IL2RB: variants seen among roughly 807,000 people sequenced by gnomAD.
IL2RB encodes the protein interleukin-2 receptor subunit beta.
A neutral mutation model predicts 44.2 loss-of-function variants in IL2RB; 17 were observed. The ratio of observed to expected loss-of-function variants is 0.38; its 90% confidence interval spans 0.26 to 0.58. The LOEUF (loss-of-function observed/expected upper bound fraction) is 0.58. IL2RB is among the 20% of genes least tolerant of loss of function. IL2RB has a pLI of 0.63. For missense variants in IL2RB, 624 were observed against 685.5 expected, an observed-to-expected ratio of 0.91 and a Z score of 1.00; for synonymous variants, 286 against 297.9, an observed-to-expected ratio of 0.96 and a Z score of 0.41.
intron 7 of IL2RB, 46 bp from the exon 8 acceptor site, chr22:37,135,488 G>A: frequency 3.2e-6 from 4 of 1,263,758 alleles, no homozygotes; most frequent in Non-Finnish European, 4.6e-6. Context: ...TTAGAGAAGT[G>A]CCCTCACTCA....
intron 1 of IL2RB, among the ~76,000 whole-genome samples, chr22:37,165,177 G>A (rs543443633): frequency 6.6e-6 from 1 of 152,360 alleles, no homozygotes; most frequent in Admixed American, 6.5e-5. Context: ...TAGGTGATAA[G>A]TGTCAGAGAT....
rs1045012882 is a variant in IL2RB at position 37,127,863 on chromosome 22, C to T, written c.*233G>A. On this transcript the variant is annotated 3_prime_UTR_variant, in exon 10 of 10. Coordinates refer to ENST00000216223, the MANE Select transcript of IL2RB (RefSeq NM_000878.5). The stretch of plus-strand genomic sequence containing the variant: ...ACGAGGGAGTTGGGGAGTTACTGCC[C>T]CCCTGCAACACACACAGTTCCTGGC... The T allele has an allele frequency of 2.5e-6, 1 of 392,434 alleles. No homozygotes were observed. The highest frequency in any genetic ancestry group is 4.4e-5 in the Admixed American group (1 of 22,560). 24.3% of individuals were successfully genotyped at this position (392,434 alleles called of 1,614,324 possible).
At chr22:37,172,260 G>T (rs923929364) in intron 1 of IL2RB, among the ~76,000 whole-genome samples, 2 of 151,738 alleles carry the variant, frequency 1.3e-5, no homozygotes, top group Non-Finnish European at 2.9e-5. Flanking sequence ...GAGGCAAGGG[G>T]CTAGAGCCCC....
intron 9 of IL2RB, among the ~76,000 whole-genome samples, chr22:37,131,300 C>T (rs1041087103): frequency 2.0e-5 from 3 of 152,176 alleles, no homozygotes; most frequent in Admixed American, 2.0e-4. Flanking sequence ...GTCATGACAG[C>T]TCTGGTCCGG....
chr22:37,172,083 G>T (rs1263397258), intron 1 of IL2RB, among the ~76,000 whole-genome samples: 1 of 152,098 alleles, frequency 6.6e-6, no homozygotes, highest in Admixed American at 6.5e-5. Flanking sequence ...GACGTTGTCA[G>T]GATTGAAATG....
Position 37,132,390 on chromosome 22 carries a change from G to A in IL2RB, c.897C>T (p.Asp299=), listed in dbSNP as rs1291909859. The change falls in exon 9 of 10, where the codon GAC becomes GAT. Residue 299 remains aspartate, a synonymous_variant. Coordinates refer to ENST00000216223, the MANE Select transcript of IL2RB (RefSeq NM_000878.5). ...CCCCGCCCCGGCCTCCTACCTGGAC[G>A]TCTCCTCCATGCTCTGAGCTCAGCT... is the stretch of plus-strand genomic sequence containing the variant. ...FSQLSSEHGG[D]VQKWLSSPFP... is the part of the protein sequence containing the mutation. 27 of 1,613,628 alleles carry A rather than the reference G, an allele frequency of 1.7e-5. No individual in the cohort carries two copies. The highest frequency in any genetic ancestry group is 8.9e-5 in the East Asian group (4 of 44,886).
At position 37,127,591 on chromosome 22, in the gene IL2RB, G is replaced by A. The variant is rs1299281702; in HGVS notation, c.*505C>T. 1 of 152,560 alleles carries A rather than the reference G, an allele frequency of 6.6e-6. No individual in the cohort carries two copies. Among genetic ancestry groups the A allele is most frequent in the Admixed American group, 6.5e-5 (1 of 15,284 alleles). 9.5% of individuals were successfully genotyped at this position (152,560 alleles called of 1,614,324 possible). A position where few individuals can be genotyped will look rare whatever the true frequency, so the allele number is the denominator to read the frequency against. ...AAGTACCAGGCTGAGAAGTGGGGCT[G>A]AGGGCAGTGGGACCTGTGCAAGGTT... On this transcript the variant is annotated 3_prime_UTR_variant, in exon 10 of 10. Coordinates refer to ENST00000216223, the MANE Select transcript of IL2RB (RefSeq NM_000878.5).
intron 6 of IL2RB, among the ~76,000 whole-genome samples, chr22:37,137,075 T>G (rs971013522): frequency 6.6e-6 from 1 of 152,210 alleles, no homozygotes; most frequent in African/African-American, 2.4e-5. Flanking sequence ...GCTGACTGAC[T>G]GCCTGCCTGC....
At chr22:37,129,563 G>C (rs1921318774) in intron 9 of IL2RB, among the ~76,000 whole-genome samples, 1 of 151,954 alleles carries the variant, frequency 6.6e-6, no homozygotes, top group Non-Finnish European at 1.5e-5. Flanking sequence ...GAAGACCCGG[G>C]TTCTAGCCCT....
chr22:37,149,531 C>T, intron 1 of IL2RB, among the ~76,000 whole-genome samples: 1 of 152,188 alleles, frequency 6.6e-6, no homozygotes. Flanking sequence ...GGTTGGGGGC[C>T]CAGCACACAG....
intron 7 of IL2RB, among the ~76,000 whole-genome samples, chr22:37,136,013 G>A (rs546003142): frequency 1.4e-4 from 22 of 152,148 alleles, no homozygotes; most frequent in Middle Eastern, 3.4e-3. Context: ...ACAGCCTTTC[G>A]ACCCCTCCCC....
intron 9 of IL2RB, 56 bp downstream of exon 9, chr22:37,132,328 C>A (rs1297757424): frequency 5.8e-6 from 8 of 1,376,788 alleles, no homozygotes; most frequent in African/African-American, 2.9e-5. Context: ...AACCTGCCAC[C>A]CCCTCATCCC....
In IL2RB at chr22:37,143,576, G is replaced by A. The variant is rs1315445230; in HGVS notation, c.148C>T (p.Gln50Ter). 1 of 1,614,142 alleles carries A rather than the reference G, an allele frequency of 6.2e-7. No homozygotes were observed. The highest frequency in any genetic ancestry group is 8.5e-7 in the Non-Finnish European group (1 of 1,180,010). Residue 50 changes from glutamine to a stop codon, truncating the protein, a stop_gained, in exon 3 of 10, where the codon CAA becomes TAA. Coordinates refer to ENST00000216223, the MANE Select transcript of IL2RB (RefSeq NM_000878.5). LOFTEE classifies it high-confidence loss of function. Reference sequence around the variant, plus strand: ...GAAGTGTCCTGCAGAGCCCCATCTTGGCTCCAGACACAGGAGATGTTGGCT... The same window carrying A: ...GAAGTGTCCTGCAGAGCCCCATCTTAGCTCCAGACACAGGAGATGTTGGCT... ...SRANISCVWS[Q>*]DGALQDTSCQ...
chr22:37,151,577 T>C (rs1411609887), upstream of IL2RB, among the ~76,000 whole-genome samples: 1 of 152,214 alleles, frequency 6.6e-6, no homozygotes, highest in East Asian at 1.9e-4. Flanking sequence ...TGTGATCTCA[T>C]CTATCATTTC....
chr22:37,145,674 G>A (rs1922189492), intron 1 of IL2RB, among the ~76,000 whole-genome samples: 1 of 152,054 alleles, frequency 6.6e-6, no homozygotes, highest in Admixed American at 6.5e-5. Flanking sequence ...AGGGAGATGA[G>A]GAGGGAGCTT....
At chr22:37,170,660 C>T (rs771040996) in intron 1 of IL2RB, among the ~76,000 whole-genome samples, 3 of 152,354 alleles carry the variant, frequency 2.0e-5, no homozygotes, top group South Asian at 2.1e-4. Flanking sequence ...TTCTCCACCA[C>T]GCAGTCACTG....
chr22:37,159,139 A>C (rs932358704), intron 1 of IL2RB, among the ~76,000 whole-genome samples: 8 of 152,234 alleles, frequency 5.3e-5, no homozygotes, highest in African/African-American at 1.9e-4. Context: ...CTTTCTCAGA[A>C]GACAATCTAG....
upstream of IL2RB, among the ~76,000 whole-genome samples, chr22:37,152,828 G>C (rs1922544468): frequency 6.6e-6 from 1 of 151,542 alleles, no homozygotes; most frequent in Non-Finnish European, 1.5e-5. Flanking sequence ...CAGCCCCATA[G>C]ACCCTGTGAA....
intron 1 of IL2RB, among the ~76,000 whole-genome samples, chr22:37,174,346 C>T (rs1923383993): frequency 6.6e-6 from 1 of 152,176 alleles, no homozygotes; most frequent in Non-Finnish European, 1.5e-5. Context: ...TCATAGGTCA[C>T]CATGGTAATG....
Sources: allele counts gnomAD v4.1 joint callset (sites outside exome capture counted in the v4.1 genomes callset), GRCh38; gene constraint gnomAD v4.1.1; transcripts MANE v1.5; gene names NCBI Gene and HGNC (gene_info 2026-07-23, HGNC 2026-07-21).